CRB1: variants seen among roughly 807,000 people sequenced by gnomAD.
The protein encoded by CRB1 is crumbs cell polarity complex component 1, also known as protein crumbs homolog 1.
Under a neutral mutation model 120.0 loss-of-function variants are expected in CRB1, and 83 were observed. That is an observed-to-expected ratio of 0.69 (90% CI 0.58 to 0.83). The LOEUF is 0.83. Ranked by LOEUF, CRB1 falls within the 40% of genes least tolerant of loss-of-function variation. The pLI, the probability that CRB1 is intolerant of heterozygous loss-of-function variation, is 0.00. For missense variants in CRB1, 1,699 were observed against 1,687.6 expected (o/e 1.01, Z -0.12); for synonymous variants, 625 against 612.5 (o/e 1.02, Z -0.30).
At chr1:197,237,866 T>C in the CRB1 span, among the ~76,000 whole-genome samples, 2 of 152,254 alleles carry the variant, frequency 1.3e-5, no homozygotes, top group Middle Eastern at 3.4e-3. Context: ...TGCTCTTTAT[T>C]ATTTTCTTCT....
At chr1:197,212,014 G>A in the CRB1 span, among the ~76,000 whole-genome samples, 2 of 151,968 alleles carry the variant, frequency 1.3e-5, no homozygotes, top group African/African-American at 4.8e-5. Context: ...TGAGCACAGG[G>A]AAAGATCTTT....
At chr1:197,300,324 A>C (rs1656790860) in intron 1 of CRB1, among the ~76,000 whole-genome samples, 1 of 151,990 alleles carries the variant, frequency 6.6e-6, no homozygotes, top group Admixed American at 6.6e-5. Flanking sequence ...AATGCAGAGG[A>C]AAAGTTCTTG....
the CRB1 span, among the ~76,000 whole-genome samples, chr1:197,258,335 C>T: frequency 2.6e-5 from 4 of 152,020 alleles, no homozygotes; most frequent in Non-Finnish European, 5.9e-5. Flanking sequence ...CCATAAATCC[C>T]TCTTAAACGT....
chr1:197,329,024 A>G (rs1050404303), intron 2 of CRB1, 21 bp downstream of exon 2: 2 of 1,584,898 alleles, frequency 1.3e-6, no homozygotes, highest in Non-Finnish European at 1.7e-6. Flanking sequence ...TCATATCTGA[A>G]TCACAGATGG....
the CRB1 span, among the ~76,000 whole-genome samples, chr1:197,230,707 T>A: frequency 6.6e-6 from 1 of 152,152 alleles, no homozygotes; most frequent in South Asian, 2.1e-4. Flanking sequence ...AATCAATCAA[T>A]TACTCCTTGT....
intron 3 of CRB1, 65 bp from the exon 4 acceptor site, chr1:197,347,275 C>A: frequency 7.0e-7 from 1 of 1,428,314 alleles, no homozygotes; most frequent in Non-Finnish European, 9.9e-7. Flanking sequence ...GTTGAAGAAA[C>A]AGTATAAAGA....
chr1:197,233,985 T>C, the CRB1 span, among the ~76,000 whole-genome samples: 1 of 152,184 alleles, frequency 6.6e-6, no homozygotes, highest in Non-Finnish European at 1.5e-5. Context: ...TCACAGGTGT[T>C]ACCTCCCCTC....
chr1:197,432,834 T>C (rs1270144711), intron 8 of CRB1, among the ~76,000 whole-genome samples: 1 of 152,128 alleles, frequency 6.6e-6, no homozygotes, highest in Non-Finnish European at 1.5e-5. Context: ...ATTTGAGCGA[T>C]ATTAACACTA....
intron 1 of CRB1, among the ~76,000 whole-genome samples, chr1:197,293,552 G>GA (rs1249264143): frequency 1.3e-5 from 2 of 151,976 alleles, no homozygotes; most frequent in Non-Finnish European, 2.9e-5. Flanking sequence ...CACAGAACTG[G>GA]AAAAAACTAC....
intron 5 of CRB1, among the ~76,000 whole-genome samples, chr1:197,403,981 TGTA>T (rs754632288): frequency 6.6e-5 from 10 of 152,292 alleles, no homozygotes; most frequent in Non-Finnish European, 1.2e-4. Context: ...AACCATCTGT[TGTA>T]ATAATACTAA....
chr1:197,226,735 A>G, the CRB1 span, among the ~76,000 whole-genome samples: 3 of 152,180 alleles, frequency 2.0e-5, no homozygotes, highest in Admixed American at 6.5e-5. Context: ...GACTGTTTCC[A>G]TGCTGCTGTA....
the CRB1 span, among the ~76,000 whole-genome samples, chr1:197,211,380 AT>A: frequency 6.6e-6 from 1 of 152,204 alleles, no homozygotes; most frequent in African/African-American, 2.4e-5. Context: ...GACATCACAG[AT>A]TGGGTAACTT....
chr1:197,454,669 T>C (rs1261773612), intron 11 of CRB1, among the ~76,000 whole-genome samples: 2 of 152,214 alleles, frequency 1.3e-5, no homozygotes, highest in Non-Finnish European at 2.9e-5. Flanking sequence ...ATAACTAGGT[T>C]GATGTTTGCT....
chr1:197,302,461 A>G (rs761994658), intron 1 of CRB1, among the ~76,000 whole-genome samples: 1 of 152,184 alleles, frequency 6.6e-6, no homozygotes, highest in Non-Finnish European at 1.5e-5. Flanking sequence ...TGAACCTACA[A>G]TATCTCTGAG....
chr1:197,409,461 G>A (rs564830987), intron 5 of CRB1, among the ~76,000 whole-genome samples: 3 of 151,732 alleles, frequency 2.0e-5, no homozygotes, highest in Non-Finnish European at 4.4e-5. Flanking sequence ...TCTTATTGAC[G>A]ACAATGTTAT....
chr1:197,343,418 A>G (rs1395578390), intron 2 of CRB1, among the ~76,000 whole-genome samples: 1 of 152,208 alleles, frequency 6.6e-6, no homozygotes, highest in African/African-American at 2.4e-5. Flanking sequence ...TACAACTTGT[A>G]TAAATCATAA....
intron 5 of CRB1, among the ~76,000 whole-genome samples, chr1:197,420,000 C>CAAAAAAAAAAAAAAA (rs200847709): frequency 2.9e-5 from 4 of 140,084 alleles, no homozygotes; most frequent in African/African-American, 5.4e-5. Flanking sequence ...AAAAAAAAAA[C>CAAAAAAAAAAAAAAA]AAACAAAAAA....
the CRB1 span, among the ~76,000 whole-genome samples, chr1:197,231,341 T>C: frequency 6.6e-6 from 1 of 152,174 alleles, no homozygotes; most frequent in Non-Finnish European, 1.5e-5. Flanking sequence ...ACATTTAAAA[T>C]TTGAAAGGAA....
chr1:197,429,145 T>C lies in CRB1; in HGVS notation c.2677-304T>C, dbSNP rs1254676223. 3 of 1,531,902 alleles carry C rather than the reference T, an allele frequency of 2.0e-6. No homozygotes were observed. In the South Asian group the frequency reaches 3.6e-5, roughly 18 times the overall value. 94.9% of individuals were successfully genotyped at this position (1,531,902 alleles called of 1,614,324 possible). A position where few individuals can be genotyped will look rare whatever the true frequency, so the allele number is the denominator to read the frequency against. On this transcript the variant is annotated intron_variant, in intron 7 of 11. Transcript: ENST00000367400. Reference sequence around the variant, plus strand: ...TTCCTCAAATGATAATTAGTGCATGTGAAAAAGTGCCTGGTAATTTGTAAA... The same window carrying C: ...TTCCTCAAATGATAATTAGTGCATGCGAAAAAGTGCCTGGTAATTTGTAAA...
Sources: allele counts gnomAD v4.1 joint callset (sites outside exome capture counted in the v4.1 genomes callset), GRCh38; gene constraint gnomAD v4.1.1; transcripts MANE v1.5; gene names NCBI Gene and HGNC (gene_info 2026-07-23, HGNC 2026-07-21).